Variants in COL23A1 observed in about 807,000 individuals in gnomAD.
COL23A1 encodes the protein collagen type XXIII alpha 1 chain, also known as collagen alpha-1(XXIII) chain.
COL23A1 carries 97 observed loss-of-function variants against 99.3 expected under a neutral mutation model. That is an observed-to-expected ratio of 0.98 (90% CI 0.83 to 1.16). The LOEUF is 1.16. Ranked by LOEUF, COL23A1 falls within the 50% of genes most tolerant of loss-of-function variation. COL23A1 has a pLI of 0.00. For synonymous variants in COL23A1, 320 were observed against 308.2 expected (o/e 1.04, Z -0.40); for missense variants, 762 against 757.4 (o/e 1.01, Z -0.07).
chr5:178,321,999 T>C (rs1021082366), intron 2 of COL23A1, among the ~76,000 whole-genome samples: 14 of 150,342 alleles, frequency 9.3e-5, no homozygotes, highest in African/African-American at 3.4e-4. Flanking sequence ...TTTTTAACTT[T>C]TTTTTTTTTT....
rs1227002521 is a variant in COL23A1 at position 178,428,245 on chromosome 5, C to T, written c.362-121326G>A. ...CTGCTGTGGGCTCCCCGAGGCATTT[C>T]CTGGGAGAAGGGTCTCTGGCTTCCC... is the stretch of plus-strand genomic sequence containing the variant. On this transcript the variant is annotated intron_variant, in intron 2 of 28. Coordinates refer to ENST00000390654, the MANE Select transcript of COL23A1 (RefSeq NM_173465.4). This position sits in a 1 kb window ranked among gnomAD's most constrained non-coding sequence, Gnocchi z 5.0. Among the ~76,000 whole-genome samples the T allele has an allele frequency of 6.6e-6, 1 of 152,216 alleles. No individual in the cohort carries two copies.
intron 2 of COL23A1, among the ~76,000 whole-genome samples, chr5:178,449,341 C>A (rs943915679): frequency 5.3e-5 from 8 of 152,176 alleles, no homozygotes; most frequent in African/African-American, 1.9e-4. Flanking sequence ...GGCACCCCAG[C>A]CAGCCTGAAC....
intron 2 of COL23A1, among the ~76,000 whole-genome samples, chr5:178,336,332 A>G (rs1389388252): frequency 6.6e-6 from 1 of 152,236 alleles, no homozygotes; most frequent in East Asian, 1.9e-4. Context: ...GGCAGAAACA[A>G]CCCAGATGGC....
chr5:178,567,417 G>C (rs1287439297), intron 1 of COL23A1, among the ~76,000 whole-genome samples: 1 of 152,142 alleles, frequency 6.6e-6, no homozygotes, highest in Non-Finnish European at 1.5e-5. Flanking sequence ...AAAGGGGTTG[G>C]GGTCAGGGGC....
chr5:178,506,149 C>T (rs1429352589), intron 2 of COL23A1, among the ~76,000 whole-genome samples: 7 of 152,218 alleles, frequency 4.6e-5, no homozygotes, highest in Non-Finnish European at 4.4e-5. Context: ...ACAGCACAGG[C>T]CTGCTCTGGG....
chr5:178,541,688 T>C (rs1428403389), intron 2 of COL23A1, among the ~76,000 whole-genome samples: 2 of 152,192 alleles, frequency 1.3e-5, no homozygotes, highest in Non-Finnish European at 2.9e-5. Flanking sequence ...GAAAGACATA[T>C]ACTACATTGT....
At chr5:178,252,728 G>A (rs918348949) in intron 16 of COL23A1, 131 bp from the exon 17 acceptor site, 13 of 702,910 alleles carry the variant, frequency 1.8e-5, no homozygotes, top group Admixed American at 1.7e-4. Context: ...CTTGGGGACT[G>A]CTTCTTCCCC....
intron 27 of COL23A1, among the ~76,000 whole-genome samples, chr5:178,240,388 G>A (rs1764328388): frequency 6.6e-6 from 1 of 152,152 alleles, no homozygotes; most frequent in Non-Finnish European, 1.5e-5. Context: ...CCGGGGCAGA[G>A]CCAAGGGCCC....
intron 2 of COL23A1, among the ~76,000 whole-genome samples, chr5:178,427,266 C>G (rs541528970): frequency 2.0e-5 from 3 of 152,206 alleles, no homozygotes; most frequent in African/African-American, 7.2e-5. Flanking sequence ...CACACTGAAC[C>G]ACCAGATGCT....
chr5:178,332,236 C>T (rs1458558270), intron 2 of COL23A1, among the ~76,000 whole-genome samples: 2 of 152,148 alleles, frequency 1.3e-5, no homozygotes, highest in African/African-American at 2.4e-5. Context: ...CTTTCCACAG[C>T]GCAAGCCCCA....
At chr5:178,560,614 G>A in intron 2 of COL23A1, 68 bp downstream of exon 2, 1 of 1,451,322 alleles carries the variant, frequency 6.9e-7, no homozygotes, top group Non-Finnish European at 9.5e-7. Context: ...GGACCATGCT[G>A]TTCTCAGCAA....
chr5:178,314,829 C>G (rs7705063), intron 2 of COL23A1, among the ~76,000 whole-genome samples: 25,547 of 152,172 alleles, frequency 0.17, 2,961 homozygotes, highest in East Asian at 0.59. Context: ...TGAGGCCGTA[C>G]GCTGGTAGCC....
chr5:178,331,405 A>C (rs1760011246), intron 2 of COL23A1, among the ~76,000 whole-genome samples: 1 of 152,212 alleles, frequency 6.6e-6, no homozygotes, highest in African/African-American at 2.4e-5. Context: ...CAAGCCACCT[A>C]CACTCCCTGA....
At chr5:178,585,558 A>G (rs77854552) in intron 1 of COL23A1, among the ~76,000 whole-genome samples, 6 of 55,172 alleles carry the variant, frequency 1.1e-4, no homozygotes, top group Admixed American at 2.5e-4. Context: ...GCCCTGGTTG[A>G]TGCTGGGGGT....
In COL23A1 at chr5:178,304,671, G is replaced by A. The variant is rs568645761; in HGVS notation, c.406+2204C>T. On this transcript the variant is annotated intron_variant, in intron 3 of 28. Transcript: ENST00000390654. ...CAGACAAGGCCCATCAGAGAGGCAC[G>A]TCTGTTCTGTGTAGCTCACTTTGTT... Among the ~76,000 whole-genome samples, 135 of 152,304 alleles carry A rather than the reference G, an allele frequency of 8.9e-4. 1 individual carries two copies. Among genetic ancestry groups the A allele is most frequent in the African/African-American group, 3.2e-3 (131 of 41,564 alleles).
chr5:178,327,655 C>T (rs1022872807), intron 2 of COL23A1, among the ~76,000 whole-genome samples: 8 of 152,250 alleles, frequency 5.3e-5, no homozygotes, highest in Middle Eastern at 3.4e-3. Context: ...GCAGAGCCCA[C>T]GTGCTGGAGT....
chr5:178,440,421 G>T (rs1766799535), intron 2 of COL23A1, among the ~76,000 whole-genome samples: 1 of 152,174 alleles, frequency 6.6e-6, no homozygotes, highest in Admixed American at 6.5e-5. Context: ...TCCTCTGGAA[G>T]TCTGCACCAC....
At chr5:178,429,067 C>T (rs191501409) in intron 2 of COL23A1, among the ~76,000 whole-genome samples, 36 of 152,248 alleles carry the variant, frequency 2.4e-4, no homozygotes, top group Non-Finnish European at 5.0e-4. Context: ...AAACCAGGTG[C>T]GGGGAGGGCC....
At chr5:178,355,351 A>AG (rs907095384) in intron 2 of COL23A1, among the ~76,000 whole-genome samples, 1 of 152,182 alleles carries the variant, frequency 6.6e-6, no homozygotes, top group Non-Finnish European at 1.5e-5. Flanking sequence ...GGGTATCTGC[A>AG]GGGGGGTCCT....
Sources: gnomAD v4.1 joint callset for allele counts (sites outside exome capture counted in the v4.1 genomes callset) on GRCh38, gnomAD v4.1.1 for gene constraint, Gnocchi (gnomAD v3.1) non-coding constraint, MANE v1.5 for transcripts, NCBI Gene and HGNC (gene_info 2026-07-23, HGNC 2026-07-21) for gene names.